VWDE: variants seen among roughly 807,000 people sequenced by gnomAD.
VWDE encodes the protein von Willebrand factor D and EGF domains, also known as von Willebrand factor D and EGF domain-containing protein.
In VWDE, 207 loss-of-function variants were observed where a neutral mutation model predicts 178.4. The ratio of observed to expected loss-of-function variants is 1.16; its 90% CI spans 1.04 to 1.30. The LOEUF is 1.30. Ranked by LOEUF, VWDE falls within the 50% of genes most tolerant of loss-of-function variation. The probability of loss-of-function intolerance (pLI) is 0.00; values close to 1 mark genes in which losing one functional copy is unlikely to be tolerated. For missense variants in VWDE, 2,287 were observed against 1,901.3 expected, an observed-to-expected ratio of 1.20 and a Z score of -3.77; for synonymous variants, 738 against 651.4, an observed-to-expected ratio of 1.13 and a Z score of -2.02.
At chr7:12,332,206 G>A (rs1251535679) in intron 28 of VWDE, among the ~76,000 whole-genome samples, 1 of 149,102 alleles carries the variant, frequency 6.7e-6, no homozygotes, top group African/African-American at 2.5e-5. Context: ...AAAGACACCA[G>A]TGATCAACAG....
chr7:12,403,605 A>G (rs1785016697), intron 1 of VWDE, 54 bp downstream of exon 1: 2 of 1,511,216 alleles, frequency 1.3e-6, no homozygotes, highest in Non-Finnish European at 8.9e-7. Context: ...TAGTCCCTCT[A>G]CCGCCCACGC....
rs979867143 is a variant in VWDE at position 12,389,496 on chromosome 7, A to T, written c.244-138T>A. 175 of 622,626 alleles carry T rather than the reference A, an allele frequency of 2.8e-4. 1 individual carries two copies. The highest frequency in any genetic ancestry group is 4.4e-4 in the Non-Finnish European group (156 of 357,956). The allele number at this position is 622,626 out of a possible 1,614,324, so 38.6% of individuals were successfully genotyped here. ...AAAAATTATGGCTTGTACCTGTTCT[A>T]TACAAGGAAAAGTAGTTTTAAGGAA... On this transcript the variant is annotated intron_variant, in intron 2 of 28. Coordinates refer to ENST00000275358, the MANE Select transcript of VWDE (RefSeq NM_001135924.3).
rs991469986 is a variant in VWDE, at chr7:12,356,270, A to T, written c.3586T>A (p.Ser1196Thr). ...CACAGGTACACTCCACTCCCTGGAG[A>T]AAAGTTCCTATCAGATACACATGAT... ...GGSCVSDRNF[S>T]PGSGVYLCVC... Residue 1196 changes from serine to threonine, a missense_variant, in exon 18 of 29, where the codon TCT becomes ACT. Transcript: ENST00000275358. 19 of 1,551,558 alleles carry T rather than the reference A, an allele frequency of 1.2e-5. No individual in the cohort carries two copies. In the Admixed American group the frequency reaches 1.8e-4, roughly 14 times the overall value.
intron 28 of VWDE, among the ~76,000 whole-genome samples, chr7:12,331,652 C>T (rs1780727899): frequency 6.6e-6 from 1 of 152,104 alleles, no homozygotes; most frequent in Non-Finnish European, 1.5e-5. Flanking sequence ...CTAGGTACTT[C>T]ACATATATTA....
Position 12,343,241 on chromosome 7 carries a change from T to C in VWDE, c.4079-63A>G, listed in dbSNP as rs1781424661. ...TTTTTAAAAAGTCAGTTTATATTTATAAAGCACTGTCACAATAAAATCTTG... is the reference window on the plus strand; with the variant it reads ...TTTTTAAAAAGTCAGTTTATATTTACAAAGCACTGTCACAATAAAATCTTG... On this transcript the variant is annotated intron_variant, in intron 21 of 28. Coordinates refer to ENST00000275358, the MANE Select transcript of VWDE (RefSeq NM_001135924.3). 2.6e-6 allele frequency: 3 copies of C among 1,163,258 alleles called. No homozygotes were observed. The East Asian group carries it at 8.0e-5, about 31-fold the overall frequency. The allele number at this position is 1,163,258 out of a possible 1,614,324, so 72.1% of individuals were successfully genotyped here. A position where few individuals can be genotyped will look rare whatever the true frequency, so the allele number is the denominator to read the frequency against.
Position 12,374,714 on chromosome 7 carries a change from G to T in VWDE, c.1291C>A (p.Pro431Thr). 1 of 1,538,450 alleles carries T rather than the reference G, an allele frequency of 6.5e-7. No homozygotes were observed. Among genetic ancestry groups the T allele is most frequent in the Non-Finnish European group, 8.8e-7 (1 of 1,142,252 alleles). ...CTGCCATCAAATGTAATTATATGTG[G>T]GTCAGTAAATGTATAGCAGTAAGCA... ...PTAYCYTFTD[P>T]HIITFDGRVY... The change falls in exon 9 of 29, where the codon CCA becomes ACA. Residue 431 changes from proline (P) to threonine (T), a missense_variant. Transcript: ENST00000275358.
At chr7:12,334,258 G>A (rs1183463766) in intron 27 of VWDE, among the ~76,000 whole-genome samples, 1 of 152,060 alleles carries the variant, frequency 6.6e-6, no homozygotes, top group Admixed American at 6.6e-5. Flanking sequence ...TTATATTATG[G>A]AACTTAATAT....
chr7:12,361,579 G>T, intron 13 of VWDE, 58 bp from the exon 14 acceptor site: 1 of 1,411,154 alleles, frequency 7.1e-7, no homozygotes, highest in Non-Finnish European at 9.4e-7. Flanking sequence ...TATTTTGTTA[G>T]TAAATTACAT....
intron 18 of VWDE, 88 bp downstream of exon 18, chr7:12,356,023 T>A: frequency 1.0e-6 from 1 of 1,000,186 alleles, no homozygotes; most frequent in Non-Finnish European, 1.5e-6. Context: ...ACTAAAATCT[T>A]TAGGACCACA....
intron 16 of VWDE, among the ~76,000 whole-genome samples, chr7:12,358,416 A>G (rs1045256130): frequency 6.6e-5 from 10 of 151,816 alleles, no homozygotes; most frequent in African/African-American, 2.4e-4. Flanking sequence ...GGACAGGCAG[A>G]GTTCCCTTTA....
intron 13 of VWDE, among the ~76,000 whole-genome samples, chr7:12,362,261 A>G (rs1782628347): frequency 6.6e-6 from 1 of 151,870 alleles, no homozygotes; most frequent in Admixed American, 6.6e-5. Flanking sequence ...ATGCACACAT[A>G]CTGAGTCTTC....
At chr7:12,366,348 G>A (rs529165263) in intron 13 of VWDE, among the ~76,000 whole-genome samples, 13 of 152,070 alleles carry the variant, frequency 8.5e-5, no homozygotes, top group African/African-American at 3.1e-4. Flanking sequence ...GCATCTGAAG[G>A]TAAGTACAAG....
At chr7:12,363,915 A>C (rs898897420) in intron 13 of VWDE, among the ~76,000 whole-genome samples, 3 of 152,076 alleles carry the variant, frequency 2.0e-5, no homozygotes, top group African/African-American at 7.2e-5. Context: ...GAAAATAGTT[A>C]ATCTAACTCA....
intron 12 of VWDE, among the ~76,000 whole-genome samples, chr7:12,368,303 T>A (rs988024351): frequency 6.6e-6 from 1 of 150,666 alleles, no homozygotes; most frequent in African/African-American, 2.4e-5. Flanking sequence ...ATAGAAAAAA[T>A]TATATTAACT....
chr7:12,399,169 C>T (rs1343200034), intron 1 of VWDE, among the ~76,000 whole-genome samples: 3 of 152,060 alleles, frequency 2.0e-5, no homozygotes, highest in South Asian at 4.1e-4. Flanking sequence ...GCTTTCTTTA[C>T]GTATCAAAAG....
At chr7:12,356,382 AGTTTAT>A in intron 17 of VWDE, 52 bp from the exon 18 acceptor site, 1 of 1,445,670 alleles carries the variant, frequency 6.9e-7, no homozygotes, top group Non-Finnish European at 9.5e-7. Context: ...AATTATCTTC[AGTTTAT>A]GCCCCAGAAA....
chr7:12,399,710 G>GGTGGTAT (rs1784811169), intron 1 of VWDE, among the ~76,000 whole-genome samples: 1 of 152,110 alleles, frequency 6.6e-6, no homozygotes, highest in Non-Finnish European at 1.5e-5. Flanking sequence ...AGCTGGGCAT[G>GGTGGTAT]GTGGTATGTT....
In VWDE at chr7:12,343,106, A is replaced by G; in HGVS notation, c.4151T>C (p.Phe1384Ser). ...AGNLCTCPYG[F>S]VGPRCETMVC... ...ACTTGTTTCACACCTTGGTCCTACA[A>G]AACCATAAGGACAAGTGCAGAGATT... Residue 1384 changes from phenylalanine (F) to serine (S), a missense_variant, in exon 22 of 29, where the codon TTT becomes TCT. Phe to Ser is a radical substitution (Grantham distance 155). Coordinates refer to ENST00000275358, the MANE Select transcript of VWDE (RefSeq NM_001135924.3). 5.2e-6 allele frequency: 8 copies of G among 1,549,798 alleles called. No individual in the cohort carries two copies. Among genetic ancestry groups the G allele is most frequent in the African/African-American group, 1.4e-5 (1 of 73,074 alleles).
chr7:12,393,796 G>C lies in VWDE; in HGVS notation c.59-18C>G. The C allele has an allele frequency of 6.6e-7, 1 of 1,514,420 alleles. No individual in the cohort carries two copies. The highest frequency in any genetic ancestry group is 8.8e-7 in the Non-Finnish European group (1 of 1,130,188). The allele number at this position is 1,514,420 out of a possible 1,614,324, so 93.8% of individuals were successfully genotyped here. A position where few individuals can be genotyped will look rare whatever the true frequency, so the allele number is the denominator to read the frequency against. On this transcript the variant is annotated intron_variant, in intron 1 of 28. Coordinates refer to ENST00000275358, the MANE Select transcript of VWDE (RefSeq NM_001135924.3). ...CTCCTGAGCTAGTATGGAAAGACAG[G>C]TGTTTTTATGTAATGTGTTTTGTTT...
Sources: gnomAD v4.1 joint callset for allele counts (sites outside exome capture counted in the v4.1 genomes callset) on GRCh38, gnomAD v4.1.1 for gene constraint, MANE v1.5 for transcripts, NCBI Gene and HGNC (gene_info 2026-07-23, HGNC 2026-07-21) for gene names.